The following CCN6 variants were observed in gnomAD, a reference collection of about 807,000 sequenced individuals.
The protein encoded by CCN6 is CCN family member 6.
A neutral mutation model predicts 37.4 loss-of-function variants in CCN6; 31 were observed. The ratio of observed to expected loss-of-function variants is 0.83; its 90% CI spans 0.62 to 1.12. The LOEUF (loss-of-function observed/expected upper bound fraction) is 1.12. Ranked by LOEUF, CCN6 falls within the 50% of genes most tolerant of loss-of-function variation. The pLI is 0.00. For missense variants in CCN6, 369 were observed against 413.8 expected, an observed-to-expected ratio of 0.89 and a Z score of 0.94; for synonymous variants, 137 against 142.1, an observed-to-expected ratio of 0.96 and a Z score of 0.26.
chr6:112,054,714 CAGTG>C, intron 1 of CCN6: 2 of 387,770 alleles, frequency 5.2e-6, no homozygotes, highest in Non-Finnish European at 9.9e-6. Context: ...CAGCCTGGCA[CAGTG>C]CGGGAAACAG....
intron 3 of CCN6, among the ~76,000 whole-genome samples, chr6:112,067,677 TAGAC>T (rs1776740574): frequency 6.6e-6 from 1 of 152,170 alleles, no homozygotes; most frequent in Admixed American, 6.6e-5. Context: ...TAGTATTAAT[TAGAC>T]AGTTTTCTAA....
chr6:112,054,714 C>G, intron 1 of CCN6: 1 of 387,774 alleles, frequency 2.6e-6, no homozygotes, highest in Non-Finnish European at 4.9e-6. Flanking sequence ...CAGCCTGGCA[C>G]AGTGCGGGAA....
intron 2 of CCN6, 85 bp from the exon 3 acceptor site, chr6:112,064,670 C>A: frequency 1.3e-6 from 2 of 1,592,924 alleles, no homozygotes; most frequent in African/African-American, 1.3e-5. Flanking sequence ...AGGAGATGAT[C>A]CGTTTCTTCT....
chr6:112,056,720 T>C (rs1776359049), intron 1 of CCN6, among the ~76,000 whole-genome samples: 1 of 152,212 alleles, frequency 6.6e-6, no homozygotes. Flanking sequence ...TTTTGCCATG[T>C]TGGCCAGGCT....
Position 112,061,233 on chromosome 6 carries a change from G to A in CCN6, c.291G>A (p.Gly97=). ...CTGACCTCTGTGACCCACACAAAGG[G>A]CTGTATTGTGACTACTCAGTAGACA... ...NEADLCDPHK[G]LYCDYSVDRP... is the part of the protein sequence containing the mutation. Residue 97 remains glycine, a synonymous_variant, in exon 2 of 5, where the codon GGG becomes GGA. Coordinates refer to ENST00000368666, the MANE Select transcript of CCN6 (RefSeq NM_198239.2). The A allele has an allele frequency of 6.2e-7, 1 of 1,614,202 alleles. No homozygotes were observed. Among genetic ancestry groups the A allele is most frequent in the Non-Finnish European group, 8.5e-7 (1 of 1,180,040 alleles).
intron 4 of CCN6, 50 bp downstream of exon 4, chr6:112,068,448 A>G: frequency 4.6e-6 from 7 of 1,512,874 alleles, no homozygotes; most frequent in Non-Finnish European, 6.3e-6. Context: ...GATTCCTGAA[A>G]AGTAAGCATG....
chr6:112,065,408 A>G (rs1776649788), intron 3 of CCN6, among the ~76,000 whole-genome samples: 1 of 152,282 alleles, frequency 6.6e-6, no homozygotes, highest in South Asian at 2.1e-4. Flanking sequence ...TAACATTTCT[A>G]TGTGATACAG....
rs76361212 is a variant in CCN6 at position 112,057,621 on chromosome 6, C to T, written c.48+3216C>T. On this transcript the variant is annotated intron_variant, in intron 1 of 4. Transcript: ENST00000368666. ...TTGGACTTGAGTATTTCCTGGAGGACATTTGGGTGGAGATGTCCAGTAGGT... is the reference window on the plus strand; with the variant it reads ...TTGGACTTGAGTATTTCCTGGAGGATATTTGGGTGGAGATGTCCAGTAGGT... Among the ~76,000 whole-genome samples, 260 of 152,214 alleles carry T rather than the reference C, an allele frequency of 1.7e-3. 4 individuals carry two copies. The highest frequency in any genetic ancestry group is 6.1e-3 in the African/African-American group (254 of 41,518).
intron 1 of CCN6, among the ~76,000 whole-genome samples, chr6:112,057,976 C>T (rs1776397055): frequency 6.6e-6 from 1 of 152,134 alleles, no homozygotes; most frequent in Admixed American, 6.5e-5. Flanking sequence ...AGAGGGTTCA[C>T]GGATGTGAGA....
intron 2 of CCN6, among the ~76,000 whole-genome samples, chr6:112,063,582 T>C (rs1299813453): frequency 1.3e-5 from 2 of 152,216 alleles, no homozygotes; most frequent in African/African-American, 4.8e-5. Flanking sequence ...TGGATAAATA[T>C]AAAGTTTTCA....
upstream of CCN6, among the ~76,000 whole-genome samples, chr6:112,053,865 T>TAG (rs1776268908): frequency 9.7e-6 from 1 of 102,798 alleles, no homozygotes; most frequent in Non-Finnish European, 2.1e-5. Context: ...GTGCTGTTGG[T>TAG]GGGGGGGCCA....
At chr6:112,058,618 C>T (rs1300043872) in intron 1 of CCN6, among the ~76,000 whole-genome samples, 9 of 152,128 alleles carry the variant, frequency 5.9e-5, no homozygotes, top group Non-Finnish European at 8.8e-5. Context: ...TGAAACAGAA[C>T]CTTGAAGTAT....
upstream of CCN6, among the ~76,000 whole-genome samples, chr6:112,053,504 A>G (rs1776262327): frequency 6.7e-6 from 1 of 150,270 alleles, no homozygotes; most frequent in South Asian, 2.1e-4. Flanking sequence ...ACGGGATTTC[A>G]TCATATTGGC....
At position 112,069,334 on chromosome 6, in the gene CCN6, T is replaced by C; in HGVS notation, c.784-5T>C. On this transcript the variant is annotated splice_region_variant and splice_polypyrimidine_tract_variant and intron_variant, in intron 4 of 4. Coordinates refer to ENST00000368666, the MANE Select transcript of CCN6 (RefSeq NM_198239.2). ...AGAATGACTTCATTTTATCTATCTTTTCAGATTCCCAAAGGAAAAACATGC... is the reference window on the plus strand; with the variant it reads ...AGAATGACTTCATTTTATCTATCTTCTCAGATTCCCAAAGGAAAAACATGC... 1.2e-6 allele frequency: 2 copies of C among 1,612,592 alleles called. No individual in the cohort carries two copies. The highest frequency in any genetic ancestry group is 1.7e-6 in the Non-Finnish European group (2 of 1,179,696).
upstream of CCN6, among the ~76,000 whole-genome samples, chr6:112,053,869 G>GGGGGGGC (rs1562591817): frequency 6.6e-6 from 1 of 150,534 alleles, no homozygotes; most frequent in African/African-American, 2.4e-5. Flanking sequence ...TGTTGGTGGG[G>GGGGGGGC]GGGCCAGGCC....
Position 112,069,096 on chromosome 6 carries a change from T to C in CCN6, c.784-243T>C, listed in dbSNP as rs118164554. The stretch of plus-strand genomic sequence containing the variant: ...ACAGAAATTTCTATTTATTGTAAAA[T>C]TGAGTCAAGAATAGATAGCAAAAAA... On this transcript the variant is annotated intron_variant, in intron 4 of 4. Transcript: ENST00000368666. Among the ~76,000 whole-genome samples the C allele has an allele frequency of 7.5e-4, 114 of 152,220 alleles. 1 individual carries two copies. In the East Asian group the frequency reaches 0.017, roughly 22 times the overall value.
Position 112,069,422 on chromosome 6 carries a change from G to A in CCN6, c.867G>A (p.Gln289=), listed in dbSNP as rs782019386. ...KFVFSGCSST[Q]SYKPTFCGIC... is the part of the protein sequence containing the mutation. The stretch of plus-strand genomic sequence containing the variant: ...TCTTTTCTGGATGCTCAAGTACTCA[G>A]AGTTACAAACCCACTTTTTGTGGAA... Residue 289 remains glutamine (Q), a synonymous_variant, in exon 5 of 5, where the codon CAG becomes CAA. Coordinates refer to ENST00000368666, the MANE Select transcript of CCN6 (RefSeq NM_198239.2). 1.2e-6 allele frequency: 2 copies of A among 1,613,520 alleles called. No homozygotes were observed. The highest frequency in any genetic ancestry group is 1.7e-6 in the Non-Finnish European group (2 of 1,179,856).
intron 3 of CCN6, chr6:112,066,855 CTCT>C: frequency 1.3e-6 from 1 of 786,082 alleles, no homozygotes; most frequent in Non-Finnish European, 1.8e-6. Context: ...TTTAAAAAAT[CTCT>C]TCTAGTTTTC....
intron 2 of CCN6, among the ~76,000 whole-genome samples, chr6:112,061,954 G>A (rs896359728): frequency 7.2e-5 from 11 of 152,176 alleles, no homozygotes; most frequent in Non-Finnish European, 1.0e-4. Flanking sequence ...AGTTTAGTCC[G>A]TCTGTAGAAA....
Sources: allele counts gnomAD v4.1 joint callset (sites outside exome capture counted in the v4.1 genomes callset), GRCh38; gene constraint gnomAD v4.1.1; transcripts MANE v1.5; gene names NCBI Gene and HGNC (gene_info 2026-07-23, HGNC 2026-07-21).